The following ZMYM4 variants were observed in gnomAD, a reference collection of about 807,000 sequenced individuals.
ZMYM4 encodes zinc finger MYM-type containing 4, also known as zinc finger MYM-type protein 4.
ZMYM4 carries 31 observed loss-of-function variants against 183.2 expected under a neutral mutation model. The ratio of observed to expected loss-of-function variants is 0.17; its 90% CI spans 0.13 to 0.23. ZMYM4 has a LOEUF of 0.23. Ranked by LOEUF, ZMYM4 falls within the 10% of genes least tolerant of loss-of-function variation. The pLI is 1.00. For synonymous variants in ZMYM4, 592 were observed against 631.2 expected, an observed-to-expected ratio of 0.94 and a Z score of 0.93; for missense variants, 1,273 against 1,840.3, an observed-to-expected ratio of 0.69 and a Z score of 5.64.
At chr1:35,404,489 T>C (rs1387535130) in intron 23 of ZMYM4, among the ~76,000 whole-genome samples, 1 of 152,210 alleles carries the variant, frequency 6.6e-6, no homozygotes, top group East Asian at 1.9e-4. Flanking sequence ...TCACAGAAAT[T>C]TTGGTAAATT....
At chr1:35,405,294 CTT>C in intron 24 of ZMYM4, 77 bp from the exon 25 acceptor site, 1 of 1,575,148 alleles carries the variant, frequency 6.3e-7, no homozygotes, top group Admixed American at 1.9e-5. Context: ...CCCCATAAAA[CTT>C]TGGTTTGGGC....
chr1:35,273,704 C>T (rs1364806698), intron 1 of ZMYM4, among the ~76,000 whole-genome samples: 1 of 152,140 alleles, frequency 6.6e-6, no homozygotes, highest in Admixed American at 6.6e-5. Flanking sequence ...TTTCTTGCCT[C>T]CCCACATTTG....
intron 26 of ZMYM4, among the ~76,000 whole-genome samples, chr1:35,413,436 T>C (rs144944098): frequency 0.014 from 2,081 of 152,262 alleles, 52 homozygotes; most frequent in African/African-American, 0.046. Context: ...GACTTGAACT[T>C]TTTTGAGGGC....
chr1:35,393,484 A>G (rs957626020), intron 17 of ZMYM4, 111 bp from the exon 18 acceptor site: 29 of 970,980 alleles, frequency 3.0e-5, no homozygotes, highest in African/African-American at 1.5e-4. Context: ...TTTACTTGCT[A>G]TGTCCTCCAT....
chr1:35,405,842 A>G (rs1007196955), intron 25 of ZMYM4, among the ~76,000 whole-genome samples: 3 of 151,348 alleles, frequency 2.0e-5, no homozygotes, highest in Admixed American at 6.6e-5. Context: ...AGTGAGATCT[A>G]TGTAACTGAC....
intron 1 of ZMYM4, among the ~76,000 whole-genome samples, chr1:35,296,549 C>G (rs1353574281): frequency 6.6e-6 from 1 of 152,090 alleles, no homozygotes; most frequent in Non-Finnish European, 1.5e-5. Flanking sequence ...ATTGTGTGTA[C>G]CTGTCCCCCT....
At chr1:35,282,992 T>TG (rs1212059399) in intron 1 of ZMYM4, among the ~76,000 whole-genome samples, 826 of 74,520 alleles carry the variant, frequency 0.011, 24 homozygotes, top group African/African-American at 0.067. Flanking sequence ...TTTTTTTTTT[T>TG]TTTTTTTTTT....
chr1:35,389,809 A>C lies in ZMYM4; in HGVS notation c.2437-139A>C. The C allele has an allele frequency of 1.7e-6, 1 of 584,756 alleles. No homozygotes were observed. Among genetic ancestry groups the C allele is most frequent in the Non-Finnish European group, 2.7e-6 (1 of 363,908 alleles). 36.2% of individuals were successfully genotyped at this position (584,756 alleles called of 1,614,324 possible). On this transcript the variant is annotated intron_variant, in intron 14 of 29. Transcript: ENST00000314607. The surrounding 1 kb of genome is among the most constrained non-coding windows in gnomAD (Gnocchi z 4.0). ...TGTGTGTGTGTGTGTGTGTGTGTGT[A>C]TAATCATTGATAAAGACAAACTAAT...
chr1:35,310,967 C>T (rs1239376376), intron 1 of ZMYM4, among the ~76,000 whole-genome samples: 2 of 152,136 alleles, frequency 1.3e-5, no homozygotes, highest in African/African-American at 2.4e-5. Context: ...ATTTTAAACA[C>T]ACACATAGAT....
At chr1:35,328,785 A>C (rs1642614713) in intron 2 of ZMYM4, among the ~76,000 whole-genome samples, 1 of 152,128 alleles carries the variant, frequency 6.6e-6, no homozygotes, top group Non-Finnish European at 1.5e-5. Context: ...TATCCAGGAG[A>C]GATAAGGGCA....
rs1246357064 is a variant in ZMYM4, at chr1:35,389,785, G to A, written c.2437-163G>A. Among the ~76,000 whole-genome samples, 2 of 149,416 alleles carry A rather than the reference G, an allele frequency of 1.3e-5. No individual in the cohort carries two copies. Among genetic ancestry groups the A allele is most frequent in the African/African-American group, 5.0e-5 (2 of 40,224 alleles). On this transcript the variant is annotated intron_variant, in intron 14 of 29. Coordinates refer to ENST00000314607, the MANE Select transcript of ZMYM4 (RefSeq NM_005095.3). This position sits in a 1 kb window ranked among gnomAD's most constrained non-coding sequence, Gnocchi z 4.0. Reference sequence around the variant, plus strand: ...AAAAAAAAAATATATATATATATGTGTGTGTGTGTGTGTGTGTGTGTGTAT... The same window carrying A: ...AAAAAAAAAATATATATATATATGTATGTGTGTGTGTGTGTGTGTGTGTAT...
intron 1 of ZMYM4, among the ~76,000 whole-genome samples, chr1:35,275,895 T>C (rs1183778046): frequency 1.3e-5 from 2 of 152,198 alleles, no homozygotes; most frequent in African/African-American, 4.8e-5. Flanking sequence ...GTAGTAATAG[T>C]TCTTATCCAA....
intron 7 of ZMYM4, 134 bp downstream of exon 7, chr1:35,370,761 CATT>C: frequency 1.1e-6 from 1 of 941,328 alleles, no homozygotes; most frequent in Non-Finnish European, 1.3e-6. Context: ...AGAAATACCA[CATT>C]ATTTTCTGTC....
In ZMYM4 at chr1:35,392,232, G is replaced by C. The variant is rs1420900821; in HGVS notation, c.2608G>C (p.Ala870Pro). The change falls in exon 16 of 30, where the codon GCT becomes CCT. Residue 870 changes from alanine to proline, a missense_variant. By Grantham distance (27) the Ala-to-Pro change is conservative. Coordinates refer to ENST00000314607, the MANE Select transcript of ZMYM4 (RefSeq NM_005095.3). Reference sequence around the variant, plus strand: ...ATCAGCAAATATTTCCATGGTTCAAGCTGCTTCAGCAGGACCCCCATCTCT... The same window carrying C: ...ATCAGCAAATATTTCCATGGTTCAACCTGCTTCAGCAGGACCCCCATCTCT... ...NNAANISMVQ[A>P]ASAGPPSLRK... 2 of 1,614,142 alleles carry C rather than the reference G, an allele frequency of 1.2e-6. No homozygotes were observed. Among genetic ancestry groups the C allele is most frequent in the Non-Finnish European group, 1.7e-6 (2 of 1,180,030 alleles).
Position 35,419,491 on chromosome 1 carries a change from G to T in ZMYM4, c.4461G>T (p.Arg1487Ser). ...ATAGTTCTGAAAGTGTGAAGCAAAG[G>T]AATGATGTGTTTTACCTTCAACCTG... is the stretch of plus-strand genomic sequence containing the variant. ...LSKCSESVKQRNDVFYLQPER... is the reference protein window; with the variant it reads ...LSKCSESVKQSNDVFYLQPER... The change falls in exon 30 of 30, where the codon AGG becomes AGT. Residue 1487 changes from arginine (R) to serine (S), a missense_variant. Arg to Ser is a moderately radical substitution (Grantham distance 110). Around this residue, in one of 6 missense-constraint regions of ZMYM4, gnomAD observed 145 missense variants for 331.6 expected, o/e 0.44. Coordinates refer to ENST00000314607, the MANE Select transcript of ZMYM4 (RefSeq NM_005095.3). 2 of 1,613,540 alleles carry T rather than the reference G, an allele frequency of 1.2e-6. No homozygotes were observed. The highest frequency in any genetic ancestry group is 1.7e-6 in the Non-Finnish European group (2 of 1,179,908).
intron 26 of ZMYM4, among the ~76,000 whole-genome samples, chr1:35,408,587 A>G (rs1478453957): frequency 1.3e-5 from 2 of 152,162 alleles, no homozygotes; most frequent in African/African-American, 4.8e-5. Flanking sequence ...AAAATAAAAA[A>G]TTAGCCAGGT....
intron 5 of ZMYM4, among the ~76,000 whole-genome samples, chr1:35,367,332 G>A (rs955586394): frequency 1.3e-4 from 19 of 151,888 alleles, no homozygotes; most frequent in Non-Finnish European, 2.2e-4. Flanking sequence ...GGGTTCAAGC[G>A]ATTCTCCTGC....
At chr1:35,274,611 T>TC (rs1462486810) in intron 1 of ZMYM4, among the ~76,000 whole-genome samples, 1 of 144,466 alleles carries the variant, frequency 6.9e-6, no homozygotes, top group East Asian at 2.5e-4. Flanking sequence ...CACTGTTTTT[T>TC]TTTTTAAAAA....
At chr1:35,319,783 A>C in intron 1 of ZMYM4, among the ~76,000 whole-genome samples, 1 of 152,186 alleles carries the variant, frequency 6.6e-6, no homozygotes, top group East Asian at 1.9e-4. Context: ...AAGGAATAGG[A>C]ATAGGATTGG....
Sources: gnomAD v4.1 joint callset for allele counts (sites outside exome capture counted in the v4.1 genomes callset) on GRCh38, gnomAD v4.1.1 for gene constraint, gnomAD v4.1.1 regional missense constraint, Gnocchi (gnomAD v3.1) non-coding constraint, MANE v1.5 for transcripts, NCBI Gene and HGNC (gene_info 2026-07-23, HGNC 2026-07-21) for gene names.